Variants in AXDND1 observed in about 807,000 individuals in gnomAD.
AXDND1 encodes the protein axonemal dynein light chain domain-containing protein 1.
Under a neutral mutation model 137.5 loss-of-function variants are expected in AXDND1, and 110 were observed. The observed-to-expected ratio is 0.80, with a 90% CI of 0.69 to 0.94. The LOEUF (loss-of-function observed/expected upper bound fraction) is 0.94. Ranked by LOEUF, AXDND1 falls within the 40% of genes least tolerant of loss-of-function variation. The pLI is 0.00. For synonymous variants in AXDND1, 414 were observed against 399.7 expected (o/e 1.04, Z -0.43); for missense variants, 1,191 against 1,169.8 (o/e 1.02, Z -0.26).
At chr1:179,545,128 T>C (rs1251729283) in intron 25 of AXDND1, 3 of 152,322 alleles carry the variant, frequency 2.0e-5, no homozygotes, top group Admixed American at 2.0e-4. Context: ...CAACTGGATG[T>C]TCTGGGCAGT....
At chr1:179,397,333 G>A (rs1304921644) in intron 11 of AXDND1, among the ~76,000 whole-genome samples, 1 of 152,026 alleles carries the variant, frequency 6.6e-6, no homozygotes, top group Non-Finnish European at 1.5e-5. Flanking sequence ...ACGGCTTGTA[G>A]GGTTTCTGCT....
chr1:179,369,033 T>G (rs1667757892), intron 3 of AXDND1, 61 bp downstream of exon 3: 1 of 1,443,244 alleles, frequency 6.9e-7, no homozygotes, highest in Non-Finnish European at 9.5e-7. Context: ...TGATTATTCT[T>G]TAAGTATTTA....
At chr1:179,419,496 C>T (rs561623897) in intron 12 of AXDND1, among the ~76,000 whole-genome samples, 3 of 149,468 alleles carry the variant, frequency 2.0e-5, no homozygotes, top group Non-Finnish European at 4.5e-5. Context: ...CGCCTGCAAT[C>T]GCAGGCACTC....
chr1:179,531,996 G>A (rs1178659961), intron 23 of AXDND1, among the ~76,000 whole-genome samples: 1 of 152,236 alleles, frequency 6.6e-6, no homozygotes, highest in East Asian at 1.9e-4. Context: ...GGCAGTAACT[G>A]TAATTAGCCT....
At chr1:179,489,293 TA>T (rs1307834232) in intron 18 of AXDND1, among the ~76,000 whole-genome samples, 5 of 152,320 alleles carry the variant, frequency 3.3e-5, no homozygotes, top group African/African-American at 1.2e-4. Flanking sequence ...ATTTTAATTT[TA>T]AATTCACCTA....
chr1:179,486,139 A>AAAAAAACAAAAAAACAAAAAACT (rs149119239), intron 18 of AXDND1, among the ~76,000 whole-genome samples: 1 of 87,770 alleles, frequency 1.1e-5, no homozygotes, highest in Non-Finnish European at 2.3e-5. Context: ...AAAAAAAAAA[A>AAAAAAACAAAAAAACAAAAAACT]AACCTGATAG....
intron 11 of AXDND1, among the ~76,000 whole-genome samples, chr1:179,398,369 A>G (rs1016881799): frequency 7.9e-5 from 12 of 151,662 alleles, no homozygotes; most frequent in Admixed American, 3.9e-4. Context: ...CACTGGGGGG[A>G]GCTGAGGTGC....
chr1:179,443,439 A>G (rs1558185793), intron 15 of AXDND1, among the ~76,000 whole-genome samples: 1 of 152,172 alleles, frequency 6.6e-6, no homozygotes, highest in Non-Finnish European at 1.5e-5. Flanking sequence ...ATTTTTAAGC[A>G]TACAGTTCAG....
At chr1:179,454,322 T>A (rs1225177829) in intron 16 of AXDND1, 1 of 153,104 alleles carries the variant, frequency 6.5e-6, no homozygotes, top group Non-Finnish European at 1.5e-5. Flanking sequence ...CTTGTCTACC[T>A]CCATGTGAGA....
chr1:179,428,709 A>T (rs184456910), intron 12 of AXDND1, among the ~76,000 whole-genome samples: 2 of 152,378 alleles, frequency 1.3e-5, no homozygotes, highest in African/African-American at 4.8e-5. Flanking sequence ...TGAATACAGA[A>T]GCAAATGAGA....
At chr1:179,443,803 A>G (rs74499897) in intron 15 of AXDND1, among the ~76,000 whole-genome samples, 1,621 of 152,182 alleles carry the variant, frequency 0.011, 19 homozygotes, top group East Asian at 0.023. Context: ...CATTAATAAC[A>G]TAATCTTTAA....
intron 11 of AXDND1, among the ~76,000 whole-genome samples, chr1:179,400,904 C>CAAA (rs151090012): frequency 7.5e-5 from 4 of 53,666 alleles, no homozygotes; most frequent in African/African-American, 8.1e-5. Context: ...GACTCTGTCT[C>CAAA]AAAAAAAAAA....
At chr1:179,417,269 G>A (rs1333564238) in intron 12 of AXDND1, among the ~76,000 whole-genome samples, 2 of 149,150 alleles carry the variant, frequency 1.3e-5, no homozygotes, top group Admixed American at 1.3e-4. Flanking sequence ...TAGATAGTTT[G>A]CAAATATTTT....
intron 25 of AXDND1, among the ~76,000 whole-genome samples, chr1:179,540,296 C>A (rs1244719953): frequency 6.6e-6 from 1 of 152,114 alleles, no homozygotes; most frequent in East Asian, 1.9e-4. Context: ...GAATTTTCAG[C>A]CTTTCTGTGC....
intron 21 of AXDND1, among the ~76,000 whole-genome samples, 188 bp downstream of exon 21, chr1:179,509,591 C>G (rs1208071987): frequency 6.6e-6 from 1 of 152,140 alleles, no homozygotes; most frequent in Non-Finnish European, 1.5e-5. Context: ...ATCCACTCAG[C>G]ATTTTGCGTC....
At chr1:179,531,766 A>C (rs1671056254) in intron 23 of AXDND1, among the ~76,000 whole-genome samples, 2 of 152,174 alleles carry the variant, frequency 1.3e-5, no homozygotes, top group African/African-American at 2.4e-5. Flanking sequence ...CCCAAAGCCC[A>C]TTAGTAGAGT....
chr1:179,432,408 A>G (rs891975674), intron 15 of AXDND1, 66 bp downstream of exon 15: 2 of 1,458,366 alleles, frequency 1.4e-6, no homozygotes, highest in East Asian at 2.6e-5. Flanking sequence ...TTCCGGACCT[A>G]CAACTGAGGC....
intron 11 of AXDND1, among the ~76,000 whole-genome samples, chr1:179,404,605 C>T (rs1343278331): frequency 6.6e-6 from 1 of 152,134 alleles, no homozygotes; most frequent in Non-Finnish European, 1.5e-5. Context: ...AGGATAAATC[C>T]CACTTAATCA....
At chr1:179,369,899 A>G in intron 3 of AXDND1, 76 bp from the exon 4 acceptor site, 1 of 1,127,682 alleles carries the variant, frequency 8.9e-7, no homozygotes, top group Non-Finnish European at 1.3e-6. Context: ...TACAGTACTT[A>G]CTCAAAACTA....
Sources: allele counts gnomAD v4.1 joint callset (sites outside exome capture counted in the v4.1 genomes callset), GRCh38; gene constraint gnomAD v4.1.1; transcripts MANE v1.5; gene names NCBI Gene and HGNC (gene_info 2026-07-23, HGNC 2026-07-21).